The following ZNF438 variants were observed in gnomAD, a reference collection of about 807,000 sequenced individuals.
ZNF438 encodes zinc finger protein 438.
A neutral mutation model predicts 38.0 loss-of-function variants in ZNF438; 25 were observed. The ratio of observed to expected loss-of-function variants is 0.66; its 90% confidence interval spans 0.48 to 0.92. The LOEUF is 0.92. ZNF438 is among the 40% of genes least tolerant of loss of function. The pLI, the probability that ZNF438 is intolerant of heterozygous loss-of-function variation, is 0.00. For synonymous variants in ZNF438, 372 were observed against 364.1 expected (o/e 1.02, Z -0.25); for missense variants, 1,007 against 999.6 (o/e 1.01, Z -0.10).
At chr10:30,989,076 AG>A (rs1458045077) in intron 1 of ZNF438, among the ~76,000 whole-genome samples, 1 of 152,200 alleles carries the variant, frequency 6.6e-6, no homozygotes. Flanking sequence ...AGAAATGCTG[AG>A]TTTCCAGCCT....
chr10:30,859,643 A>G (rs115483143), intron 4 of ZNF438, among the ~76,000 whole-genome samples: 1 of 152,232 alleles, frequency 6.6e-6, no homozygotes, highest in Non-Finnish European at 1.5e-5. Flanking sequence ...TGAAATGGGC[A>G]TAATAATATC....
chr10:30,855,707 C>T (rs528634743), intron 4 of ZNF438, among the ~76,000 whole-genome samples: 5 of 152,302 alleles, frequency 3.3e-5, no homozygotes, highest in East Asian at 3.9e-4. Flanking sequence ...TGTAATACCA[C>T]GCAGTAATAA....
intron 1 of ZNF438, among the ~76,000 whole-genome samples, chr10:30,976,370 G>A (rs1366493247): frequency 3.3e-5 from 5 of 152,078 alleles, no homozygotes; most frequent in Non-Finnish European, 7.4e-5. Flanking sequence ...TAAATATAAC[G>A]GGAAGCACAG....
chr10:30,954,426 C>G (rs1376233043), intron 1 of ZNF438, among the ~76,000 whole-genome samples: 1 of 152,194 alleles, frequency 6.6e-6, no homozygotes, highest in Non-Finnish European at 1.5e-5. Flanking sequence ...GGGCCTACTA[C>G]CAGTAAAGCG....
intron 1 of ZNF438, among the ~76,000 whole-genome samples, chr10:30,966,477 T>C (rs1199794560): frequency 6.6e-6 from 1 of 152,070 alleles, no homozygotes; most frequent in Non-Finnish European, 1.5e-5. Context: ...AAGACCATCC[T>C]GGCTAACACG....
intron 5 of ZNF438, among the ~76,000 whole-genome samples, chr10:30,847,488 C>T (rs2032482367): frequency 6.6e-6 from 1 of 152,256 alleles, no homozygotes; most frequent in Admixed American, 6.5e-5. Context: ...TCACCCTCTA[C>T]TTCTCTGTGT....
intron 4 of ZNF438, among the ~76,000 whole-genome samples, chr10:30,874,110 GTGTGTATATATA>G (rs1199384320): frequency 3.2e-4 from 10 of 31,650 alleles, no homozygotes; most frequent in African/African-American, 1.7e-3. Flanking sequence ...GGGGGTGTGT[GTGTGTATATATA>G]TATATATATA....
chr10:31,020,720 A>AGTT (rs60174049), intron 1 of ZNF438, among the ~76,000 whole-genome samples: 13 of 151,546 alleles, frequency 8.6e-5, no homozygotes, highest in Non-Finnish European at 1.6e-4. Flanking sequence ...ATCTTTTAGT[A>AGTT]AACAACAGCT....
intron 1 of ZNF438, among the ~76,000 whole-genome samples, chr10:31,007,384 C>CGA: frequency 6.7e-6 from 1 of 149,544 alleles, no homozygotes; most frequent in Admixed American, 6.7e-5. Flanking sequence ...CAGGTTCAAG[C>CGA]GATTCTCCTG....
In ZNF438 at chr10:30,917,342, G is replaced by A. The variant is rs940957328; in HGVS notation, c.-114-8327C>T. 5.6e-4 allele frequency among the ~76,000 whole-genome samples: 85 copies of A among 151,992 alleles called. 1 individual carries two copies. Among genetic ancestry groups the A allele is most frequent in the South Asian group, 1.9e-3 (9 of 4,824 alleles). On this transcript the variant is annotated intron_variant, in intron 2 of 5. Coordinates refer to ENST00000413025, the Ensembl canonical transcript of ZNF438. Reference sequence around the variant, plus strand: ...ACTTCTCATAAGAATCTTTTTGGTCGATTTTTATTTTCATTTCTCTTAGGC... The same window carrying A: ...ACTTCTCATAAGAATCTTTTTGGTCAATTTTTATTTTCATTTCTCTTAGGC...
rs542212930 is a variant in ZNF438 at position 30,911,270 on chromosome 10, C to T, written c.-114-2255G>A. ...TTATTTAGTGAATACCTGTGGGACA[C>T]ACTCAGCAGCTTGCTTAGTGAGATA... On this transcript the variant is annotated intron_variant, in intron 2 of 5. Transcript: ENST00000413025. 1.1e-4 allele frequency among the ~76,000 whole-genome samples: 17 copies of T among 152,238 alleles called. No individual in the cohort carries two copies. The South Asian group carries it at 3.1e-3, about 28-fold the overall frequency.
intron 1 of ZNF438, among the ~76,000 whole-genome samples, chr10:31,022,936 T>C (rs2056704143): frequency 6.6e-6 from 1 of 152,170 alleles, no homozygotes; most frequent in South Asian, 2.1e-4. Flanking sequence ...TTATTTCTCA[T>C]TGGCAAAAAT....
At chr10:30,934,627 G>A (rs56238343) in intron 2 of ZNF438, among the ~76,000 whole-genome samples, 12,080 of 152,248 alleles carry the variant, frequency 0.079, 572 homozygotes, top group Non-Finnish European at 0.11. Flanking sequence ...ACAGTTTCAC[G>A]AAATGTCTTT....
chr10:31,017,399 G>C (rs1357643578), intron 1 of ZNF438, among the ~76,000 whole-genome samples: 1 of 152,196 alleles, frequency 6.6e-6, no homozygotes, highest in Non-Finnish European at 1.5e-5. Flanking sequence ...CTTCCTGCTG[G>C]TGCAAATTTG....
At chr10:30,849,379 C>T in exon 5 of ZNF438, 1 of 1,614,206 alleles carries the variant, frequency 6.2e-7, no homozygotes, top group Non-Finnish European at 8.5e-7. Flanking sequence ...GCCTGCTTGC[C>T]ACCTTGGTGG....
chr10:31,006,761 G>T (rs543803388), intron 1 of ZNF438, among the ~76,000 whole-genome samples: 1 of 127,138 alleles, frequency 7.9e-6, no homozygotes, highest in South Asian at 2.9e-4. Context: ...AAATGTCTTG[G>T]TGTGGTTGGC....
At chr10:30,906,190 GAC>G (rs2042564225) in intron 3 of ZNF438, among the ~76,000 whole-genome samples, 1 of 152,164 alleles carries the variant, frequency 6.6e-6, no homozygotes, top group East Asian at 1.9e-4. Flanking sequence ...CTAATTCAAA[GAC>G]ACAGATGTCT....
intron 3 of ZNF438, among the ~76,000 whole-genome samples, chr10:30,882,270 G>A (rs897504999): frequency 1.3e-5 from 2 of 152,082 alleles, no homozygotes; most frequent in Non-Finnish European, 2.9e-5. Flanking sequence ...AAGATAACTG[G>A]CCTGCAAATA....
intron 5 of ZNF438, among the ~76,000 whole-genome samples, chr10:30,846,000 T>C (rs2031974256): frequency 6.6e-6 from 1 of 152,194 alleles, no homozygotes; most frequent in East Asian, 1.9e-4. Flanking sequence ...TTCTATTCAA[T>C]TTTGGCTCAC....
Sources: gnomAD v4.1 joint callset for allele counts (sites outside exome capture counted in the v4.1 genomes callset) on GRCh38, gnomAD v4.1.1 for gene constraint, MANE v1.5 for transcripts, NCBI Gene and HGNC (gene_info 2026-07-23, HGNC 2026-07-21) for gene names.